MATR3: variants seen among roughly 807,000 people sequenced by gnomAD.
MATR3 encodes matrin 3.
MATR3 carries 4 observed loss-of-function variants against 85.5 expected under a neutral mutation model. That is an observed-to-expected ratio of 0.05 (90% CI 0.02 to 0.11). The LOEUF is 0.11. MATR3 is among the 10% of genes least tolerant of loss of function. The probability of loss-of-function intolerance (pLI) is 1.00; values close to 1 mark genes in which losing one functional copy is unlikely to be tolerated. For missense variants in MATR3, 685 were observed against 1,016.1 expected, an observed-to-expected ratio of 0.67 and a Z score of 4.43; for synonymous variants, 336 against 343.1, an observed-to-expected ratio of 0.98 and a Z score of 0.23.
chr5:139,277,229 C>G (rs533131586), intron 2 of MATR3, among the ~76,000 whole-genome samples: 1 of 151,378 alleles, frequency 6.6e-6, no homozygotes, highest in South Asian at 2.1e-4. Flanking sequence ...AGGCTGGTCT[C>G]GAACTCCTGG....
At chr5:139,317,846 T>C in intron 7 of MATR3, 125 bp downstream of exon 7, 1 of 934,052 alleles carries the variant, frequency 1.1e-6, no homozygotes, top group Admixed American at 2.4e-5. Context: ...AAATGCAGAA[T>C]GTAGTAGAGG....
intron 1 of MATR3, among the ~76,000 whole-genome samples, chr5:139,297,891 T>A (rs1184917893): frequency 6.6e-6 from 1 of 152,218 alleles, no homozygotes; most frequent in Non-Finnish European, 1.5e-5. Flanking sequence ...CTCTTTAATG[T>A]GGTTCAGGCA....
At position 139,284,070 on chromosome 5, in the gene MATR3, C is replaced by A. The variant is rs562379843; in HGVS notation, c.-178+4941C>A. On this transcript the variant is annotated intron_variant, in intron 3 of 16. Coordinates refer to ENST00000509990, the Ensembl canonical transcript of MATR3. ...AAGGTTTACCTCAATCCCCTTTACT[C>A]AAGAAGCCTCAGTTCTACTGACAGT... Among the ~76,000 whole-genome samples the A allele has an allele frequency of 6.1e-4, 93 of 152,300 alleles. 2 individuals carry two copies. In the South Asian group the frequency reaches 0.018, roughly 30 times the overall value.
In MATR3 at chr5:139,307,332, C is replaced by G; in HGVS notation, c.-84C>G. ...CATTTTTGAAGCAAAGTTAACCTAG[C>G]TTTCTAGTTTGAGCTTTCTTTTTGG... On this transcript the variant is annotated 5_prime_UTR_variant, in exon 2 of 15. Coordinates refer to ENST00000394805, the MANE Select transcript of MATR3 (RefSeq NM_018834.6). The surrounding 1 kb of genome is among the most constrained non-coding windows in gnomAD (Gnocchi z 4.4). 6.5e-7 allele frequency: 1 copy of G among 1,536,596 alleles called. No individual in the cohort carries two copies.
At position 139,312,946 on chromosome 5, in the gene MATR3, C is replaced by CT. The variant is rs1755063586; in HGVS notation, c.913-1728dup. The CT allele has an allele frequency of 2.0e-5, 3 of 152,148 alleles. No homozygotes were observed. The South Asian group carries it at 6.2e-4, about 32-fold the overall frequency. 9.4% of individuals were successfully genotyped at this position (152,148 alleles called of 1,614,324 possible). A position where few individuals can be genotyped will look rare whatever the true frequency, so the allele number is the denominator to read the frequency against. The stretch of plus-strand genomic sequence containing the variant: ...GGACTGCAGGCCTGAGCCACCGCAC[C>CT]TGGCCTTTCACAGGATTTTAGATAA... On this transcript the variant is annotated intron_variant, in intron 2 of 14. Coordinates refer to ENST00000394805, the MANE Select transcript of MATR3 (RefSeq NM_018834.6).
intron 1 of MATR3, among the ~76,000 whole-genome samples, chr5:139,295,866 A>G (rs1026504433): frequency 2.6e-5 from 4 of 152,068 alleles, no homozygotes; most frequent in African/African-American, 9.7e-5. Context: ...CCCAGACTGG[A>G]GTGCAGTGGT....
intron 10 of MATR3, 94 bp downstream of exon 10, chr5:139,322,123 C>G (rs1319010548): frequency 1.4e-6 from 2 of 1,395,066 alleles, no homozygotes; most frequent in South Asian, 1.2e-5. Flanking sequence ...GCTAAAAATA[C>G]AGGATTATTG....
Position 139,307,402 on chromosome 5 carries a change from G to C in MATR3, c.-14G>C, listed in dbSNP as rs748881510. 1 of 1,611,392 alleles carries C rather than the reference G, an allele frequency of 6.2e-7. No individual in the cohort carries two copies. Among genetic ancestry groups the C allele is most frequent in the Non-Finnish European group, 8.5e-7 (1 of 1,178,444 alleles). ...TTTTTTTAATCTATAAAATAGACAA[G>C]AGCTAGTTCTACAATGTCCAAGTCA... On this transcript the variant is annotated 5_prime_UTR_variant, in exon 2 of 15. Transcript: ENST00000394805. This position sits in a 1 kb window ranked among gnomAD's most constrained non-coding sequence, Gnocchi z 4.4.
intron 12 of MATR3, among the ~76,000 whole-genome samples, chr5:139,324,724 G>A (rs1443856993): frequency 2.0e-5 from 3 of 152,134 alleles, no homozygotes; most frequent in East Asian, 1.9e-4. Context: ...TTGCCTAGCA[G>A]CATTGTAGTC....
chr5:139,323,739 T>C (rs111231378), intron 12 of MATR3, among the ~76,000 whole-genome samples: 1,875 of 152,162 alleles, frequency 0.012, 44 homozygotes, highest in African/African-American at 0.043. Flanking sequence ...ACTAAAAATA[T>C]GAAAATTAGC....
In MATR3 at chr5:139,331,547, CTT is replaced by C. The variant is rs1173320167; in HGVS notation, c.*2156_*2157del. On this transcript the variant is annotated 3_prime_UTR_variant, in exon 15 of 15. Coordinates refer to ENST00000394805, the MANE Select transcript of MATR3 (RefSeq NM_018834.6). ...CAGCCCTTCGATTACGAGAAAACCT[CTT>C]TTTAGTAGGAATGTTTCCACTCATG... 2.2e-6 allele frequency: 1 copy of C among 454,012 alleles called. No individual in the cohort carries two copies. The highest frequency in any genetic ancestry group is 4.4e-6 in the Non-Finnish European group (1 of 226,802). The allele number at this position is 454,012 out of a possible 1,614,324, so 28.1% of individuals were successfully genotyped here.
At chr5:139,298,377 C>T (rs763924340) in intron 1 of MATR3, among the ~76,000 whole-genome samples, 3 of 152,090 alleles carry the variant, frequency 2.0e-5, no homozygotes, top group Non-Finnish European at 4.4e-5. Flanking sequence ...TCGAGACCAA[C>T]CTGGGCAACA....
chr5:139,300,914 A>G (rs1366172805), intron 1 of MATR3, among the ~76,000 whole-genome samples: 1 of 152,132 alleles, frequency 6.6e-6, no homozygotes, highest in Non-Finnish European at 1.5e-5. Flanking sequence ...TCTGGGTTCA[A>G]GTGATTCTCC....
chr5:139,274,386 C>G (rs1753187953), intron 1 of MATR3: 1 of 261,544 alleles, frequency 3.8e-6, no homozygotes, highest in Non-Finnish European at 7.7e-6. Context: ...AGCCTGACTC[C>G]GAGAGCCTCG....
At chr5:139,308,358 C>CT in intron 2 of MATR3, 31 bp downstream of exon 2, 1 of 1,613,098 alleles carries the variant, frequency 6.2e-7, no homozygotes, top group Non-Finnish European at 8.5e-7. Context: ...CTTCTAATTT[C>CT]TTTTACATTG....
intron 14 of MATR3, 123 bp downstream of exon 14, chr5:139,326,407 A>T (rs1012617803): frequency 1.2e-6 from 1 of 824,714 alleles, no homozygotes; most frequent in Non-Finnish European, 1.8e-6. Flanking sequence ...TCTCCTGAAG[A>T]TAACTTTTTA....
chr5:139,329,680 A>G lies in MATR3; in HGVS notation c.*285A>G, dbSNP rs541973421. The G allele has an allele frequency of 3.7e-5, 18 of 481,382 alleles. No homozygotes were observed. In the East Asian group the frequency reaches 6.5e-4, roughly 17 times the overall value. The allele number at this position is 481,382 out of a possible 1,614,324, so 29.8% of individuals were successfully genotyped here. A position where few individuals can be genotyped will look rare whatever the true frequency, so the allele number is the denominator to read the frequency against. On this transcript the variant is annotated 3_prime_UTR_variant, in exon 15 of 15. Transcript: ENST00000394805. ...TTAAGACAACTTGCACCACTAAGAAAAAAATGTAGAACCATTTGGAAAAAT... is the reference window on the plus strand; with the variant it reads ...TTAAGACAACTTGCACCACTAAGAAGAAAATGTAGAACCATTTGGAAAAAT...
chr5:139,294,870 C>T (rs888740711), intron 1 of MATR3: 1 of 152,186 alleles, frequency 6.6e-6, no homozygotes, highest in Non-Finnish European at 1.5e-5. Flanking sequence ...TGGCCCTGTT[C>T]TGTGGAATAT....
At chr5:139,318,285 T>C (rs2151993074) in intron 7 of MATR3, among the ~76,000 whole-genome samples, 1 of 151,988 alleles carries the variant, frequency 6.6e-6, no homozygotes, top group Non-Finnish European at 1.5e-5. Context: ...AGCCGCCCAC[T>C]ATCATGCTCA....
Sources: allele counts gnomAD v4.1 joint callset (sites outside exome capture counted in the v4.1 genomes callset), GRCh38; gene constraint gnomAD v4.1.1; non-coding constraint Gnocchi (gnomAD v3.1); transcripts MANE v1.5; gene names NCBI Gene and HGNC (gene_info 2026-07-23, HGNC 2026-07-21).